The following LMOD1 variants were observed in gnomAD, a reference collection of about 807,000 sequenced individuals.
LMOD1 encodes the protein leiomodin 1.
Under a neutral mutation model 36.5 loss-of-function variants are expected in LMOD1, and 8 were observed. That is an observed-to-expected ratio of 0.22 (90% confidence interval 0.13 to 0.40). The LOEUF (loss-of-function observed/expected upper bound fraction) is 0.40. Ranked by LOEUF, LMOD1 falls within the 10% of genes least tolerant of loss-of-function variation. The pLI is 1.00. For missense variants in LMOD1, 630 were observed against 751.1 expected, an observed-to-expected ratio of 0.84 and a Z score of 1.88; for synonymous variants, 284 against 288.7, an observed-to-expected ratio of 0.98 and a Z score of 0.17.
intron 1 of LMOD1, among the ~76,000 whole-genome samples, chr1:201,915,384 G>T (rs1457746078): frequency 9.2e-5 from 14 of 152,106 alleles, no homozygotes; most frequent in Admixed American, 9.2e-4. Flanking sequence ...GGATCTCTGG[G>T]CCAGACACTA....
chr1:201,931,401 G>A (rs773384300), intron 1 of LMOD1, among the ~76,000 whole-genome samples: 5 of 152,074 alleles, frequency 3.3e-5, no homozygotes, highest in African/African-American at 4.8e-5. Flanking sequence ...TGGGCGTGGC[G>A]GTGCGTGCCT....
intron 1 of LMOD1, among the ~76,000 whole-genome samples, chr1:201,925,017 C>T (rs1480784562): frequency 6.6e-6 from 1 of 152,184 alleles, no homozygotes; most frequent in African/African-American, 2.4e-5. Flanking sequence ...GAGTTCAAGG[C>T]CAGCCATGGC....
intron 1 of LMOD1, among the ~76,000 whole-genome samples, chr1:201,936,629 C>T (rs1040141047): frequency 6.6e-5 from 10 of 152,192 alleles, no homozygotes; most frequent in Admixed American, 4.6e-4. Context: ...CTAGCTCCTT[C>T]GGTCCATTTA....
chr1:201,924,662 AAAAAAAG>A (rs1179609144), intron 1 of LMOD1, among the ~76,000 whole-genome samples: 6 of 115,850 alleles, frequency 5.2e-5, no homozygotes, highest in African/African-American at 1.9e-4. Flanking sequence ...GAAAGAAAGA[AAAAAAAG>A]AAAGAAAGAA....
At chr1:201,907,122 G>A (rs1304368148) in intron 1 of LMOD1, among the ~76,000 whole-genome samples, 3 of 152,204 alleles carry the variant, frequency 2.0e-5, no homozygotes, top group Non-Finnish European at 4.4e-5. Flanking sequence ...AAAACTGGGG[G>A]CTGTTCCGGA....
In LMOD1 at chr1:201,898,351, A is replaced by AT; in HGVS notation, c.*20dup. 1 of 1,611,670 alleles carries AT rather than the reference A, an allele frequency of 6.2e-7. No homozygotes were observed. Among genetic ancestry groups the AT allele is most frequent in the Non-Finnish European group, 8.5e-7 (1 of 1,179,026 alleles). The stretch of plus-strand genomic sequence containing the variant: ...GCCTGAGCAGTCATGGCATTGGCAG[A>AT]TGGTGCCTGGCAGCCTGGTCCTACT... On this transcript the variant is annotated 3_prime_UTR_variant, in exon 3 of 3. Coordinates refer to ENST00000367288, the MANE Select transcript of LMOD1 (RefSeq NM_012134.3).
At chr1:201,912,275 C>A (rs914222197) in intron 1 of LMOD1, among the ~76,000 whole-genome samples, 5 of 152,166 alleles carry the variant, frequency 3.3e-5, no homozygotes, top group African/African-American at 9.7e-5. Flanking sequence ...AGGCATTGCT[C>A]CACCCCATTT....
chr1:201,913,334 A>G (rs1195098018), intron 1 of LMOD1, among the ~76,000 whole-genome samples: 1 of 152,104 alleles, frequency 6.6e-6, no homozygotes, highest in African/African-American at 2.4e-5. Context: ...GGCTGGGCAC[A>G]GTGGCTCATG....
intron 1 of LMOD1, among the ~76,000 whole-genome samples, chr1:201,918,680 T>G (rs1318710356): frequency 6.6e-6 from 1 of 151,706 alleles, no homozygotes; most frequent in Non-Finnish European, 1.5e-5. Flanking sequence ...TTCCTCCTCC[T>G]TCTTTTTAAC....
intron 1 of LMOD1, among the ~76,000 whole-genome samples, chr1:201,905,961 G>T (rs763608426): frequency 6.6e-6 from 1 of 152,206 alleles, no homozygotes; most frequent in South Asian, 2.1e-4. Flanking sequence ...TGGCAGTTCC[G>T]ACGGTTTGAT....
chr1:201,917,809 G>A (rs975089651), intron 1 of LMOD1, among the ~76,000 whole-genome samples: 18 of 152,198 alleles, frequency 1.2e-4, no homozygotes, highest in Non-Finnish European at 1.8e-4. Context: ...CTTAGGTCCC[G>A]GAGGGTGGCA....
chr1:201,928,001 C>T (rs915095820), intron 1 of LMOD1, among the ~76,000 whole-genome samples: 1 of 152,130 alleles, frequency 6.6e-6, no homozygotes, highest in Admixed American at 6.6e-5. Flanking sequence ...TGGATTAATG[C>T]CATTATCATG....
At chr1:201,924,665 A>AAAGAAAGAAAGAAAGAAAGAAG (rs1487505172) in intron 1 of LMOD1, among the ~76,000 whole-genome samples, 1 of 130,192 alleles carries the variant, frequency 7.7e-6, no homozygotes, top group African/African-American at 3.0e-5. Flanking sequence ...AGAAAGAAAA[A>AAAGAAAGAAAGAAAGAAAGAAG]AAAGAAAGAA....
chr1:201,942,434 A>T (rs1682133486), intron 1 of LMOD1, among the ~76,000 whole-genome samples: 1 of 152,202 alleles, frequency 6.6e-6, no homozygotes, highest in African/African-American at 2.4e-5. Context: ...ATAGGAGTTG[A>T]CCTGGAAGAG....
At chr1:201,940,245 G>A (rs1286923913) in intron 1 of LMOD1, among the ~76,000 whole-genome samples, 11 of 147,436 alleles carry the variant, frequency 7.5e-5, no homozygotes, top group East Asian at 2.0e-4. Flanking sequence ...GGAGTACAGC[G>A]GCACGATCTC....
intron 1 of LMOD1, among the ~76,000 whole-genome samples, chr1:201,921,921 G>A (rs867146453): frequency 6.7e-6 from 1 of 149,938 alleles, no homozygotes; most frequent in African/African-American, 2.5e-5. Context: ...GATCATGCCA[G>A]TGCACTCCAG....
intron 1 of LMOD1, among the ~76,000 whole-genome samples, chr1:201,931,103 A>G (rs1451750213): frequency 6.6e-6 from 1 of 152,222 alleles, no homozygotes; most frequent in Admixed American, 6.5e-5. Context: ...AGAAAGAGCC[A>G]GTAAAAGGGA....
At chr1:201,933,318 G>A (rs1476105086) in intron 1 of LMOD1, among the ~76,000 whole-genome samples, 6 of 151,658 alleles carry the variant, frequency 4.0e-5, no homozygotes, top group African/African-American at 1.2e-4. Context: ...GGAGGCTGAG[G>A]CAGGAGAATC....
In LMOD1 at chr1:201,898,207, TA is replaced by T; in HGVS notation, c.*164del. 1.4e-6 allele frequency: 1 copy of T among 701,186 alleles called. No homozygotes were observed. The highest frequency in any genetic ancestry group is 2.5e-6 in the Non-Finnish European group (1 of 399,318). The allele number at this position is 701,186 out of a possible 1,614,324, so 43.4% of individuals were successfully genotyped here. A position where few individuals can be genotyped will look rare whatever the true frequency, so the allele number is the denominator to read the frequency against. On this transcript the variant is annotated 3_prime_UTR_variant, in exon 3 of 3. Coordinates refer to ENST00000367288, the MANE Select transcript of LMOD1 (RefSeq NM_012134.3). ...ACAAGAAAAGGAAAGTGAGAAGAGA[TA>T]AGGCATCCTTCCTTGAGCGTGACCC...
Sources: gnomAD v4.1 joint callset for allele counts (sites outside exome capture counted in the v4.1 genomes callset) on GRCh38, gnomAD v4.1.1 for gene constraint, MANE v1.5 for transcripts, NCBI Gene and HGNC (gene_info 2026-07-23, HGNC 2026-07-21) for gene names.